The following NDUFAF6 variants were observed in gnomAD, a reference collection of about 807,000 sequenced individuals.
The protein encoded by NDUFAF6 is NADH:ubiquinone oxidoreductase complex assembly factor 6.
Under a neutral mutation model 40.8 loss-of-function variants are expected in NDUFAF6, and 45 were observed. That is an observed-to-expected ratio of 1.10 (90% CI 0.87 to 1.42). NDUFAF6 has a LOEUF of 1.42. Ranked by LOEUF, NDUFAF6 falls within the 40% of genes most tolerant of loss-of-function variation. The probability of loss-of-function intolerance (pLI) is 0.00; values close to 1 mark genes in which losing one functional copy is unlikely to be tolerated. For missense variants in NDUFAF6, 435 were observed against 418.5 expected (o/e 1.04, Z -0.34); for synonymous variants, 185 against 155.9 (o/e 1.19, Z -1.39).
chr8:95,082,761 G>A (rs985793568), intron 2 of NDUFAF6, among the ~76,000 whole-genome samples: 7 of 151,672 alleles, frequency 4.6e-5, no homozygotes, highest in Middle Eastern at 3.2e-3. Flanking sequence ...CCGGGTTCAC[G>A]CCATTCTCCT....
At chr8:95,080,238 A>T (rs1396352664), downstream of NDUFAF6, among the ~76,000 whole-genome samples, 12 of 108,652 alleles carry the variant, frequency 1.1e-4, no homozygotes, top group Non-Finnish European at 1.6e-4. Flanking sequence ...TTTTGTAGTG[A>T]TTTTTTGTAG....
chr8:95,007,347 G>T (rs756726261), intron 2 of NDUFAF6, among the ~76,000 whole-genome samples: 17 of 151,276 alleles, frequency 1.1e-4, no homozygotes, highest in Non-Finnish European at 2.1e-4. Context: ...GTGCCAATAA[G>T]GATATAGTTA....
intron 1 of NDUFAF6, among the ~76,000 whole-genome samples, chr8:94,969,760 G>C (rs1824303547): frequency 6.6e-6 from 1 of 151,978 alleles, no homozygotes; most frequent in Non-Finnish European, 1.5e-5. Flanking sequence ...CACAGAAAGA[G>C]GTAAATTGTT....
chr8:95,019,738 T>C (rs1727564386), intron 2 of NDUFAF6, among the ~76,000 whole-genome samples: 1 of 152,162 alleles, frequency 6.6e-6, no homozygotes, highest in African/African-American at 2.4e-5. Flanking sequence ...TTTTAGCAAA[T>C]GAAAAATATG....
chr8:94,991,806 CCT>C (rs1491250070), intron 2 of NDUFAF6, among the ~76,000 whole-genome samples: 257 of 137,078 alleles, frequency 1.9e-3, no homozygotes, highest in Non-Finnish European at 2.3e-3. Context: ...GCCCCCCCCC[CCT>C]TTTTTTTTTT....
At chr8:95,064,038 A>ATTTTTTTTTTTTTTTT (rs1160777112) in intron 9 of NDUFAF6, among the ~76,000 whole-genome samples, 2 of 104,808 alleles carry the variant, frequency 1.9e-5, no homozygotes, top group Non-Finnish European at 2.0e-5. Context: ...CGCCTGGCTA[A>ATTTTTTTTTTTTTTTT]TTTTTTTTTT....
chr8:94,991,811 T>C (rs1417728603), intron 2 of NDUFAF6, among the ~76,000 whole-genome samples: 1 of 140,934 alleles, frequency 7.1e-6, no homozygotes, highest in Non-Finnish European at 1.6e-5. Context: ...CCCCCCCTTT[T>C]TTTTTTTAAA....
downstream of NDUFAF6, among the ~76,000 whole-genome samples, chr8:95,080,448 T>A (rs1373281048): frequency 6.8e-6 from 1 of 146,672 alleles, no homozygotes; most frequent in African/African-American, 2.5e-5. Flanking sequence ...ATTTTTGTAG[T>A]GATTTTTGTA....
rs1214233902 is a variant in NDUFAF6, at chr8:94,933,841, G to GC, written c.-935-11642_-935-11641insC. ...TGTAATCCCAGCACTTTGTGGGGGG[G>GC]GGGGGAGGATCACGAGGTCAGGAGT... On this transcript the variant is annotated intron_variant, in intron 1 of 14. Transcript: ENST00000396113. Among the ~76,000 whole-genome samples, 2 of 148,436 alleles carry GC rather than the reference G, an allele frequency of 1.3e-5. 1 individual carries two copies. Among genetic ancestry groups the GC allele is most frequent in the Non-Finnish European group, 3.0e-5 (2 of 66,660 alleles).
At chr8:95,116,690 A>T (rs1388017832), downstream of NDUFAF6, among the ~76,000 whole-genome samples, 2 of 152,182 alleles carry the variant, frequency 1.3e-5, no homozygotes, top group Admixed American at 6.5e-5. Flanking sequence ...ATTTTGAAGT[A>T]AAAAGTACAT....
chr8:94,896,252 C>T (rs1216248482), intron 1 of NDUFAF6, among the ~76,000 whole-genome samples: 2 of 148,304 alleles, frequency 1.3e-5, no homozygotes, highest in Middle Eastern at 3.4e-3. Flanking sequence ...GGCCCCGGGC[C>T]CGCCTGCCGC....
chr8:94,896,580 C>G (rs1817606805), intron 1 of NDUFAF6: 1 of 152,032 alleles, frequency 6.6e-6, no homozygotes, highest in Admixed American at 6.6e-5. Flanking sequence ...AGTGCGAAGG[C>G]GTCTCGGAAC....
At chr8:95,008,609 C>T (rs1366423058) in intron 2 of NDUFAF6, among the ~76,000 whole-genome samples, 2 of 152,162 alleles carry the variant, frequency 1.3e-5, no homozygotes, top group Admixed American at 6.5e-5. Context: ...TGGGTTCAAA[C>T]GATTCTTCTG....
chr8:94,996,778 C>T (rs998850372), intron 2 of NDUFAF6, among the ~76,000 whole-genome samples: 1 of 152,138 alleles, frequency 6.6e-6, no homozygotes, highest in Non-Finnish European at 1.5e-5. Flanking sequence ...AGGGTGGGCC[C>T]TCATCCAACA....
chr8:94,948,480 G>C (rs753568515), intron 2 of NDUFAF6, among the ~76,000 whole-genome samples: 4 of 152,220 alleles, frequency 2.6e-5, no homozygotes, highest in Non-Finnish European at 5.9e-5. Context: ...TGCAAAGTCA[G>C]GTAGCGAAGA....
chr8:95,112,311 C>G (rs1451337078), intron 4 of NDUFAF6, among the ~76,000 whole-genome samples: 2 of 152,086 alleles, frequency 1.3e-5, no homozygotes, highest in South Asian at 4.1e-4. Context: ...TGAAAGGTCT[C>G]AAGATGAGAT....
chr8:95,094,513 A>G (rs973312413), intron 2 of NDUFAF6, among the ~76,000 whole-genome samples: 1 of 149,440 alleles, frequency 6.7e-6, no homozygotes, highest in African/African-American at 2.5e-5. Context: ...CCAGGATTCA[A>G]GTAATTATCC....
chr8:94,998,677 C>G (rs1826573733), intron 2 of NDUFAF6, among the ~76,000 whole-genome samples: 1 of 152,150 alleles, frequency 6.6e-6, no homozygotes, highest in African/African-American at 2.4e-5. Context: ...GAAGCAGCTG[C>G]TGCCCAGTGC....
At chr8:95,008,146 C>G (rs1827081464) in intron 2 of NDUFAF6, among the ~76,000 whole-genome samples, 1 of 152,210 alleles carries the variant, frequency 6.6e-6, no homozygotes, top group African/African-American at 2.4e-5. Flanking sequence ...GGCCAGATGG[C>G]TTTCAGCTCT....
Sources: allele counts gnomAD v4.1 joint callset (sites outside exome capture counted in the v4.1 genomes callset), GRCh38; gene constraint gnomAD v4.1.1; transcripts MANE v1.5; gene names NCBI Gene and HGNC (gene_info 2026-07-23, HGNC 2026-07-21).